The following STRN3 variants were observed in gnomAD, a reference collection of about 807,000 sequenced individuals.
STRN3 encodes the protein striatin 3.
A neutral mutation model predicts 95.6 loss-of-function variants in STRN3; 29 were observed. The observed-to-expected ratio is 0.30, with a 90% CI of 0.23 to 0.41. STRN3 has a LOEUF of 0.41. STRN3 is among the 10% of genes least tolerant of loss of function. The pLI is 1.00. For missense variants in STRN3, 890 were observed against 972.1 expected, an observed-to-expected ratio of 0.92 and a Z score of 1.12; for synonymous variants, 331 against 357.6, an observed-to-expected ratio of 0.93 and a Z score of 0.84.
chr14:31,001,778 GC>G (rs1447753120), intron 1 of STRN3, among the ~76,000 whole-genome samples: 2 of 152,126 alleles, frequency 1.3e-5, no homozygotes, highest in Non-Finnish European at 2.9e-5. Flanking sequence ...GTTATGAATG[GC>G]CCTTGGGAGG....
chr14:30,981,229 C>T (rs997588416), intron 1 of STRN3, among the ~76,000 whole-genome samples: 7 of 151,384 alleles, frequency 4.6e-5, no homozygotes, highest in African/African-American at 1.5e-4. Context: ...GTGGGAGGAC[C>T]ACTGGAGCCC....
chr14:31,025,886 C>T lies in STRN3; in HGVS notation c.282+18G>A, dbSNP rs1196266969. The T allele has an allele frequency of 3.1e-6, 5 of 1,593,690 alleles. No individual in the cohort carries two copies. The highest frequency in any genetic ancestry group is 4.3e-6 in the Non-Finnish European group (5 of 1,171,468). On this transcript the variant is annotated intron_variant, in intron 1 of 17. Coordinates refer to ENST00000357479, the MANE Select transcript of STRN3 (RefSeq NM_001083893.2). Reference sequence around the variant, plus strand: ...ACCCAGCCGCCGCAGCTCCCGCACACCGACCCCAACGAGGTACCTGCAGTT... The same window carrying T: ...ACCCAGCCGCCGCAGCTCCCGCACATCGACCCCAACGAGGTACCTGCAGTT...
intron 1 of STRN3, among the ~76,000 whole-genome samples, chr14:31,016,047 A>C (rs928404275): frequency 6.6e-6 from 1 of 152,188 alleles, no homozygotes; most frequent in African/African-American, 2.4e-5. Context: ...TTAAAATCCA[A>C]ATCACTACAA....
rs545998641 is a variant in STRN3, at chr14:31,018,767, T to C, written c.282+7137A>G. 1.4e-4 allele frequency: 67 copies of C among 470,330 alleles called. 3 individuals are homozygous for C. The East Asian group carries it at 1.9e-3, about 14-fold the overall frequency. The allele number at this position is 470,330 out of a possible 1,614,324, so 29.1% of individuals were successfully genotyped here. A position where few individuals can be genotyped will look rare whatever the true frequency, so the allele number is the denominator to read the frequency against. The stretch of plus-strand genomic sequence containing the variant: ...GGTGCTCCGAACTTGCTCAAATCAA[T>C]AGCAAAGCAGAGAGAAGCTCAACAA... On this transcript the variant is annotated intron_variant, in intron 1 of 17. Coordinates refer to ENST00000357479, the MANE Select transcript of STRN3 (RefSeq NM_001083893.2).
Position 30,936,522 on chromosome 14 carries a change from T to A in STRN3, c.819A>T (p.Lys273Asn). The change falls in exon 6 of 18, where the codon AAA becomes AAT. Residue 273 changes from lysine to asparagine, a missense_variant. Lys to Asn is a moderately conservative substitution (Grantham distance 94). Coordinates refer to ENST00000357479, the MANE Select transcript of STRN3 (RefSeq NM_001083893.2). ...TATGTTTATTCATCCGATGTTTGTCTTTTCCTTCTGGGATGCCTTCGATCA... is the reference window on the plus strand; with the variant it reads ...TATGTTTATTCATCCGATGTTTGTCATTTCCTTCTGGGATGCCTTCGATCA... ...NDMIEGIPEGKDKHRMNKHKI... is the reference protein window; with the variant it reads ...NDMIEGIPEGNDKHRMNKHKI... 1 of 1,613,476 alleles carries A rather than the reference T, an allele frequency of 6.2e-7. No individual in the cohort carries two copies. The highest frequency in any genetic ancestry group is 1.1e-5 in the South Asian group (1 of 90,928).
At chr14:30,935,036 C>A in intron 7 of STRN3, 127 bp downstream of exon 7, 2 of 1,248,080 alleles carry the variant, frequency 1.6e-6, no homozygotes, top group Non-Finnish European at 1.1e-6. Context: ...TATTCAAAAC[C>A]ACTTCCCCTT....
chr14:30,932,283 A>T (rs2139062016), intron 7 of STRN3: 1 of 152,288 alleles, frequency 6.6e-6, no homozygotes, highest in African/African-American at 2.4e-5. Context: ...AAGAAAAAAA[A>T]AATCTGAAAG....
chr14:30,967,858 T>C (rs971024979), intron 1 of STRN3, among the ~76,000 whole-genome samples: 8 of 152,170 alleles, frequency 5.3e-5, no homozygotes, highest in African/African-American at 1.4e-4. Flanking sequence ...TTAATTACCA[T>C]ACAAAGATCC....
At chr14:30,989,546 C>T (rs1881851879) in intron 1 of STRN3, among the ~76,000 whole-genome samples, 3 of 151,988 alleles carry the variant, frequency 2.0e-5, no homozygotes, top group Admixed American at 2.0e-4. Flanking sequence ...CTGCAAGCTC[C>T]ACCTCCCAGA....
At chr14:30,947,506 G>A (rs1879422218) in intron 4 of STRN3, among the ~76,000 whole-genome samples, 1 of 151,910 alleles carries the variant, frequency 6.6e-6, no homozygotes, top group Non-Finnish European at 1.5e-5. Context: ...CAAAACCCAA[G>A]AAGCCCTAGT....
intron 15 of STRN3, among the ~76,000 whole-genome samples, chr14:30,903,154 G>A (rs1461153301): frequency 1.3e-5 from 2 of 151,802 alleles, no homozygotes; most frequent in Non-Finnish European, 1.5e-5. Context: ...AGAGAACAGA[G>A]AAATATCAAA....
chr14:31,026,119 C>G lies in STRN3; in HGVS notation c.67G>C (p.Gly23Arg). The change falls in exon 1 of 18, where the codon GGA (glycine) becomes CGA (arginine). Residue 23 changes from glycine (G) to arginine (R), a missense_variant. This residue lies in a region of STRN3 where 526 missense variants were observed against 526.3 expected (regional missense o/e 1.00). Coordinates refer to ENST00000357479, the MANE Select transcript of STRN3 (RefSeq NM_001083893.2). ...GMAAPPRQQQ[G>R]PGGNLGLSPG... ...GAAAGGCCCAGGTTCCCCCCAGGTC[C>G]CTGCTGCTGCCGGGGAGGGGCCGCC... 6.6e-7 allele frequency: 1 copy of G among 1,506,406 alleles called. No homozygotes were observed. The highest frequency in any genetic ancestry group is 8.8e-7 in the Non-Finnish European group (1 of 1,132,484). The allele number at this position is 1,506,406 out of a possible 1,614,324, so 93.3% of individuals were successfully genotyped here.
chr14:30,927,497 C>CT (rs1878241245), intron 8 of STRN3, among the ~76,000 whole-genome samples: 1 of 151,690 alleles, frequency 6.6e-6, no homozygotes, highest in Non-Finnish European at 1.5e-5. Context: ...TGGAATACTT[C>CT]TATTTTAAAT....
intron 16 of STRN3, among the ~76,000 whole-genome samples, chr14:30,900,133 G>A (rs1348051558): frequency 6.6e-6 from 1 of 151,978 alleles, no homozygotes. Context: ...CAAGGTGGGC[G>A]GATCACCTGA....
rs1246599465 is a variant in STRN3, at chr14:30,907,044, T to C, written c.1721A>G (p.Glu574Gly). The change falls in exon 14 of 18, where the codon GAG (glutamate) becomes GGG (glycine). Residue 574 changes from glutamate to glycine, a missense_variant and splice_region_variant. Transcript: ENST00000357479. The part of the protein sequence containing the change: ...SPSVDPYDTY[E>G]PNVLAGTLVG... The stretch of plus-strand genomic sequence containing the variant: ...TAAAGTGCCAGCTAGAACATTTGGC[T>C]CTGGGGAAAAAACAAACAAACAAAA... The C allele has an allele frequency of 6.3e-7, 1 of 1,597,236 alleles. No individual in the cohort carries two copies. The highest frequency in any genetic ancestry group is 8.5e-7 in the Non-Finnish European group (1 of 1,175,662).
At position 30,901,124 on chromosome 14, in the gene STRN3, GGATT is replaced by G. The variant is rs550317584; in HGVS notation, c.2137+1408_2137+1411del. 2.5e-4 allele frequency among the ~76,000 whole-genome samples: 38 copies of G among 152,186 alleles called. No homozygotes were observed. The East Asian group carries it at 7.1e-3, about 29-fold the overall frequency. The stretch of plus-strand genomic sequence containing the variant: ...ATCGGTTTCATAAAAATAGTTCAAA[GGATT>G]GATTTGATGAAGTGTTAAATTGGGA... On this transcript the variant is annotated intron_variant, in intron 16 of 17. Transcript: ENST00000357479.
intron 8 of STRN3, among the ~76,000 whole-genome samples, chr14:30,925,685 GAT>G (rs1278381552): frequency 6.6e-5 from 10 of 152,138 alleles, no homozygotes; most frequent in Non-Finnish European, 1.5e-4. Flanking sequence ...AGAAAAAAAG[GAT>G]ATGAGTGCTG....
chr14:30,973,280 G>C (rs1269637690), intron 1 of STRN3, among the ~76,000 whole-genome samples: 2 of 146,704 alleles, frequency 1.4e-5, no homozygotes, highest in East Asian at 4.1e-4. Context: ...AAAAATTATT[G>C]AAAGCAAAAG....
At chr14:30,965,951 C>T (rs887530055) in intron 1 of STRN3, among the ~76,000 whole-genome samples, 4 of 151,948 alleles carry the variant, frequency 2.6e-5, no homozygotes, top group African/African-American at 9.7e-5. Flanking sequence ...CAATCTTTTT[C>T]GATTACCCAC....
Sources: allele counts gnomAD v4.1 joint callset (sites outside exome capture counted in the v4.1 genomes callset), GRCh38; gene constraint gnomAD v4.1.1; regional missense constraint gnomAD v4.1.1; transcripts MANE v1.5; gene names NCBI Gene and HGNC (gene_info 2026-07-23, HGNC 2026-07-21).